Variants in ATP6V0A4 observed in about 807,000 individuals in gnomAD.
The protein encoded by ATP6V0A4 is ATPase H+ transporting V0 subunit a4.
A neutral mutation model predicts 107.3 loss-of-function variants in ATP6V0A4; 86 were observed. The ratio of observed to expected loss-of-function variants is 0.80; its 90% confidence interval spans 0.67 to 0.96. The LOEUF (loss-of-function observed/expected upper bound fraction) is 0.96, where lower values mean the gene tolerates loss of function less well. Ranked by LOEUF, ATP6V0A4 falls within the 40% of genes least tolerant of loss-of-function variation. ATP6V0A4 has a pLI of 0.00. For synonymous variants in ATP6V0A4, 353 were observed against 381.4 expected, an observed-to-expected ratio of 0.93 and a Z score of 0.87; for missense variants, 908 against 1,045.6, an observed-to-expected ratio of 0.87 and a Z score of 1.81.
At chr7:138,796,007 G>T (rs145115479) in intron 1 of ATP6V0A4, among the ~76,000 whole-genome samples, 1 of 152,072 alleles carries the variant, frequency 6.6e-6, no homozygotes. Flanking sequence ...AAACATTTTT[G>T]AGATCCTTGG....
chr7:138,764,324 T>G (rs1256225673), intron 5 of ATP6V0A4, among the ~76,000 whole-genome samples: 1 of 152,120 alleles, frequency 6.6e-6, no homozygotes, highest in South Asian at 2.1e-4. Flanking sequence ...ACATGGTGTG[T>G]GCTGATCCTT....
At chr7:138,754,107 G>A (rs1299806997) in intron 10 of ATP6V0A4, among the ~76,000 whole-genome samples, 6 of 152,130 alleles carry the variant, frequency 3.9e-5, no homozygotes, top group Non-Finnish European at 8.8e-5. Flanking sequence ...TGGCTTTGGG[G>A]AAACAGTGTT....
At position 138,706,528 on chromosome 7, in the gene ATP6V0A4, C is replaced by T; in HGVS notation, c.*96G>A. On this transcript the variant is annotated 3_prime_UTR_variant, in exon 22 of 22. Transcript: ENST00000310018. ...CATGCTTCAGGTGAGCCAAGAACAA[C>T]CTTCCCATTGAGCGCCTTGCAGGGG... is the stretch of plus-strand genomic sequence containing the variant. The T allele has an allele frequency of 6.9e-7, 1 of 1,441,166 alleles. No homozygotes were observed. The allele number at this position is 1,441,166 out of a possible 1,614,324, so 89.3% of individuals were successfully genotyped here.
intron 14 of ATP6V0A4, among the ~76,000 whole-genome samples, chr7:138,740,432 T>C (rs1023622663): frequency 4.0e-5 from 6 of 151,202 alleles, no homozygotes; most frequent in African/African-American, 1.5e-4. Flanking sequence ...TTCTTTTTTT[T>C]TTTTTTTTTT....
At chr7:138,779,968 T>C (rs1807844684) in intron 2 of ATP6V0A4, 1 of 152,218 alleles carries the variant, frequency 6.6e-6, no homozygotes, top group Non-Finnish European at 1.5e-5. Flanking sequence ...CTACCTACAC[T>C]ACAGAATACC....
intron 21 of ATP6V0A4, among the ~76,000 whole-genome samples, chr7:138,707,192 T>C (rs1247643369): frequency 1.5e-5 from 1 of 66,100 alleles, no homozygotes; most frequent in Non-Finnish European, 2.5e-5. Flanking sequence ...ATATATTATA[T>C]ATATTATATA....
chr7:138,788,882 C>T (rs1370020451), intron 1 of ATP6V0A4, among the ~76,000 whole-genome samples: 1 of 152,192 alleles, frequency 6.6e-6, no homozygotes. Context: ...GTGAGTCCTC[C>T]CCAGCCATGT....
intron 19 of ATP6V0A4, among the ~76,000 whole-genome samples, chr7:138,721,240 A>G: frequency 6.6e-6 from 1 of 152,112 alleles, no homozygotes; most frequent in East Asian, 1.9e-4. Flanking sequence ...AGATAACATT[A>G]TAAAGAGATC....
chr7:138,728,155 A>AAAT lies in ATP6V0A4; in HGVS notation c.2010+603_2010+605dup, dbSNP rs1324484840. Among the ~76,000 whole-genome samples, 7 of 152,222 alleles carry AAAT rather than the reference A, an allele frequency of 4.6e-5. No individual in the cohort carries two copies. The South Asian group carries it at 1.5e-3, about 32-fold the overall frequency. On this transcript the variant is annotated intron_variant, in intron 18 of 21. Coordinates refer to ENST00000310018, the MANE Select transcript of ATP6V0A4 (RefSeq NM_020632.3). ...AAAACAACCACATTCAGACCCTTAT[A>AAAT]AATCATTAACTACCACGAGACTCAG...
intron 18 of ATP6V0A4, among the ~76,000 whole-genome samples, chr7:138,726,021 G>A (rs554536777): frequency 2.3e-4 from 35 of 151,772 alleles, no homozygotes; most frequent in Admixed American, 9.8e-4. Context: ...ACAGAGTCTC[G>A]TTCTGTCGCC....
In ATP6V0A4 at chr7:138,769,308, CTTTCT is replaced by C. The variant is rs1807256070; in HGVS notation, c.118-62_118-58del. ...AGTAGCAACAGCTGCCAATAGATTT[CTTTCT>C]TTTTTTTTTTTTTTTTTTGAGACTG... is the stretch of plus-strand genomic sequence containing the variant. On this transcript the variant is annotated intron_variant, in intron 3 of 21. Transcript: ENST00000310018. 5.6e-6 allele frequency: 7 copies of C among 1,248,428 alleles called. No homozygotes were observed. In the African/African-American group the frequency reaches 7.4e-5, roughly 13 times the overall value. The allele number at this position is 1,248,428 out of a possible 1,614,324, so 77.3% of individuals were successfully genotyped here.
At chr7:138,723,066 A>AG (rs1268778384) in intron 18 of ATP6V0A4, among the ~76,000 whole-genome samples, 9 of 151,742 alleles carry the variant, frequency 5.9e-5, no homozygotes, top group African/African-American at 1.9e-4. Context: ...AAAAAAAAAA[A>AG]AAAAAAGAAA....
intron 1 of ATP6V0A4, among the ~76,000 whole-genome samples, chr7:138,790,698 AT>A (rs1179441077): frequency 1.3e-5 from 2 of 152,186 alleles, no homozygotes; most frequent in African/African-American, 2.4e-5. Flanking sequence ...TTGGATATGC[AT>A]TTTTGTGCTC....
chr7:138,752,917 G>A (rs1806307971), intron 10 of ATP6V0A4, 80 bp from the exon 11 acceptor site: 1 of 1,572,576 alleles, frequency 6.4e-7, no homozygotes, highest in Middle Eastern at 1.8e-4. Context: ...GAGTGTCACA[G>A]GCCACAGCAG....
chr7:138,731,394 T>C (rs1210632823), intron 17 of ATP6V0A4, among the ~76,000 whole-genome samples: 7 of 152,182 alleles, frequency 4.6e-5, no homozygotes, highest in Admixed American at 2.6e-4. Flanking sequence ...GCTGGCCTTG[T>C]GGAACTAGTC....
At position 138,739,526 on chromosome 7, in the gene ATP6V0A4, G is replaced by A; in HGVS notation, c.1572+14C>T. 1.2e-6 allele frequency: 2 copies of A among 1,613,808 alleles called. No individual in the cohort carries two copies. ...TTCACATAAGAAATATTTAACCCAA[G>A]AAGACATTATTACCGGATCAATCCC... On this transcript the variant is annotated intron_variant, in intron 15 of 21. Transcript: ENST00000310018.
At chr7:138,735,055 AG>A (rs1201605751) in intron 15 of ATP6V0A4, among the ~76,000 whole-genome samples, 1 of 152,118 alleles carries the variant, frequency 6.6e-6, no homozygotes, top group African/African-American at 2.4e-5. Context: ...CATTTTAAAC[AG>A]CACTGCCAGG....
chr7:138,751,771 A>C (rs1806239932), intron 11 of ATP6V0A4, among the ~76,000 whole-genome samples: 1 of 151,760 alleles, frequency 6.6e-6, no homozygotes, highest in African/African-American at 2.4e-5. Flanking sequence ...TTTGGCTCTT[A>C]TTATAGATGC....
At chr7:138,709,545 C>T in intron 21 of ATP6V0A4, 79 bp downstream of exon 21, 1 of 1,396,498 alleles carries the variant, frequency 7.2e-7, no homozygotes, top group Non-Finnish European at 1.0e-6. Flanking sequence ...AGCTCACGAT[C>T]TGAACCCAGT....
Sources: allele counts gnomAD v4.1 joint callset (sites outside exome capture counted in the v4.1 genomes callset), GRCh38; gene constraint gnomAD v4.1.1; transcripts MANE v1.5; gene names NCBI Gene and HGNC (gene_info 2026-07-23, HGNC 2026-07-21).